The following SLC4A10 variants were observed in gnomAD, a reference collection of about 807,000 sequenced individuals.
SLC4A10 encodes solute carrier family 4 member 10.
SLC4A10 carries 42 observed loss-of-function variants against 137.7 expected under a neutral mutation model. That is an observed-to-expected ratio of 0.30 (90% confidence interval 0.24 to 0.39). SLC4A10 has a LOEUF of 0.39. Ranked by LOEUF, SLC4A10 falls within the 10% of genes least tolerant of loss-of-function variation. The probability of loss-of-function intolerance (pLI) is 1.00; values close to 1 mark genes in which losing one functional copy is unlikely to be tolerated. For missense variants in SLC4A10, 925 were observed against 1,355.0 expected, an observed-to-expected ratio of 0.68 and a Z score of 4.98; for synonymous variants, 474 against 464.1, an observed-to-expected ratio of 1.02 and a Z score of -0.27.
At position 161,928,876 on chromosome 2, in the gene SLC4A10, ATATG is replaced by A. The variant is rs996116189; in HGVS notation, c.1998-13908_1998-13905del. ...GATATACAGTAGCTACAGAAAACAT[ATATG>A]TATGTATATACACATATACATTTGT... On this transcript the variant is annotated intron_variant, in intron 15 of 26. Coordinates refer to ENST00000446997, the MANE Select transcript of SLC4A10 (RefSeq NM_001178015.2). Among the ~76,000 whole-genome samples the A allele has an allele frequency of 2.0e-4, 30 of 152,296 alleles. 1 individual carries two copies. Among genetic ancestry groups the A allele is most frequent in the African/African-American group, 7.2e-4 (30 of 41,570 alleles).
intron 15 of SLC4A10, among the ~76,000 whole-genome samples, chr2:161,941,825 C>A (rs529714625): frequency 6.6e-6 from 1 of 152,196 alleles, no homozygotes; most frequent in African/African-American, 2.4e-5. Context: ...ACCTACTGTT[C>A]CATCATAGAC....
At chr2:161,659,191 G>A (rs1574162169) in intron 1 of SLC4A10, among the ~76,000 whole-genome samples, 1 of 152,164 alleles carries the variant, frequency 6.6e-6, no homozygotes, top group East Asian at 1.9e-4. Flanking sequence ...AATAAAAGAT[G>A]GTATATATAC....
intron 4 of SLC4A10, among the ~76,000 whole-genome samples, chr2:161,842,112 A>AT (rs775176175): frequency 1.1e-4 from 16 of 151,996 alleles, no homozygotes; most frequent in Non-Finnish European, 1.3e-4. Flanking sequence ...TAGGTTATTT[A>AT]TTTTTTTCCA....
At chr2:161,976,941 C>A in intron 25 of SLC4A10, 65 bp downstream of exon 25, 3 of 825,904 alleles carry the variant, frequency 3.6e-6, no homozygotes, top group South Asian at 2.2e-5. Context: ...AAACCATAAG[C>A]AAAAGAATAA....
At chr2:161,813,594 C>T (rs2056764438) in intron 3 of SLC4A10, among the ~76,000 whole-genome samples, 1 of 152,084 alleles carries the variant, frequency 6.6e-6, no homozygotes, top group Admixed American at 6.6e-5. Context: ...ATTCAAGTTC[C>T]ATCTGCTTAT....
rs1575453478 is a variant in SLC4A10, at chr2:161,885,817, A to G, written c.1194+3373A>G. 2.0e-5 allele frequency among the ~76,000 whole-genome samples: 3 copies of G among 152,182 alleles called. No homozygotes were observed. In the East Asian group the frequency reaches 5.8e-4, roughly 29 times the overall value. On this transcript the variant is annotated intron_variant, in intron 10 of 26. Coordinates refer to ENST00000446997, the MANE Select transcript of SLC4A10 (RefSeq NM_001178015.2). ...GTTAATGAATTCATTTAAAAATAATAATAGAACGGGTTCAGTGGCTCACAC... is the reference window on the plus strand; with the variant it reads ...GTTAATGAATTCATTTAAAAATAATGATAGAACGGGTTCAGTGGCTCACAC...
chr2:161,647,117 T>G (rs2036163737), intron 1 of SLC4A10, among the ~76,000 whole-genome samples: 1 of 152,026 alleles, frequency 6.6e-6, no homozygotes, highest in African/African-American at 2.4e-5. Flanking sequence ...GTTAACGAAA[T>G]CTGTTATGGT....
chr2:161,884,549 C>G (rs1329536036), intron 10 of SLC4A10, among the ~76,000 whole-genome samples: 1 of 152,058 alleles, frequency 6.6e-6, no homozygotes, highest in Non-Finnish European at 1.5e-5. Context: ...TGAGAGCTAC[C>G]TAATTTGAGA....
intron 21 of SLC4A10, among the ~76,000 whole-genome samples, chr2:161,962,470 C>A (rs1470839971): frequency 6.6e-6 from 1 of 152,098 alleles, no homozygotes; most frequent in Admixed American, 6.6e-5. Flanking sequence ...TATTTCTTTC[C>A]TATTCCTACC....
At chr2:161,932,872 T>TA in intron 15 of SLC4A10, among the ~76,000 whole-genome samples, 4 of 152,188 alleles carry the variant, frequency 2.6e-5, no homozygotes, top group South Asian at 4.2e-4. Flanking sequence ...GGTCTGATCT[T>TA]TTCTCCCCAT....
At chr2:161,890,971 C>G (rs1006588392) in intron 10 of SLC4A10, among the ~76,000 whole-genome samples, 3 of 152,106 alleles carry the variant, frequency 2.0e-5, no homozygotes, top group Admixed American at 6.6e-5. Flanking sequence ...CCTTCAGGAG[C>G]TCTTGTAAGG....
Position 161,673,675 on chromosome 2 carries a change from T to A in SLC4A10, c.48+49109T>A, listed in dbSNP as rs190679795. ...TAAAGTATTTAAGTATTAATACATTTAAAAAAATGAGGATTAGAAGTTCAT... is the reference window on the plus strand; with the variant it reads ...TAAAGTATTTAAGTATTAATACATTAAAAAAAATGAGGATTAGAAGTTCAT... On this transcript the variant is annotated intron_variant, in intron 1 of 26. Transcript: ENST00000446997. Among the ~76,000 whole-genome samples, 41 of 152,188 alleles carry A rather than the reference T, an allele frequency of 2.7e-4. No homozygotes were observed. In the East Asian group the frequency reaches 6.0e-3, roughly 22 times the overall value.
chr2:161,852,865 C>A (rs895977147), intron 4 of SLC4A10, among the ~76,000 whole-genome samples: 1 of 152,078 alleles, frequency 6.6e-6, no homozygotes, highest in Non-Finnish European at 1.5e-5. Flanking sequence ...CATCATTTTA[C>A]CTGTGAGAAA....
chr2:161,809,253 A>C (rs1400648756), intron 3 of SLC4A10, among the ~76,000 whole-genome samples: 1 of 151,858 alleles, frequency 6.6e-6, no homozygotes, highest in Non-Finnish European at 1.5e-5. Flanking sequence ...TGATTTGTTT[A>C]AATTTTGCTT....
intron 1 of SLC4A10, among the ~76,000 whole-genome samples, chr2:161,674,186 T>C (rs1259265531): frequency 1.3e-5 from 2 of 152,188 alleles, no homozygotes; most frequent in East Asian, 1.9e-4. Context: ...TGATATGGAA[T>C]GTGGCTTCAT....
In SLC4A10 at chr2:161,904,780, CAA is replaced by C; in HGVS notation, c.1623_1624del (p.Ile542Ter). Reference sequence around the variant, plus strand: ...ACCATTTATATCTCTACACAGAGTGCAATTGAATCTCTCTTTGGAGCATCCAT... The same window carrying C: ...ACCATTTATATCTCTACACAGAGTGCTTGAATCTCTCTTTGGAGCATCCAT... On this transcript the variant is annotated frameshift_variant, in exon 14 of 27. Transcript: ENST00000446997. LOFTEE classifies it high-confidence loss of function. 6.2e-7 allele frequency: 1 copy of C among 1,613,930 alleles called. No individual in the cohort carries two copies. Among genetic ancestry groups the C allele is most frequent in the Non-Finnish European group, 8.5e-7 (1 of 1,179,840 alleles).
chr2:161,633,294 G>A (rs1382490867), intron 1 of SLC4A10, among the ~76,000 whole-genome samples: 1 of 151,694 alleles, frequency 6.6e-6, no homozygotes, highest in Admixed American at 6.6e-5. Context: ...CTCAATCGGT[G>A]GCTGGATTCT....
chr2:161,900,970 C>T lies in SLC4A10; in HGVS notation c.1401C>T (p.Pro467=), dbSNP rs766178591. 15 of 1,568,980 alleles carry T rather than the reference C, an allele frequency of 9.6e-6. No individual in the cohort carries two copies. The highest frequency in any genetic ancestry group is 1.3e-5 in the Non-Finnish European group (15 of 1,156,362). ...CAGCAGCTCATGGGGAAGCAGAGCC[C>T]CACGGAGGACATAGTGGACCTGAAC... is the stretch of plus-strand genomic sequence containing the variant. ...NGTAAHGEAE[P]HGGHSGPELQ... Residue 467 remains proline, a synonymous_variant, in exon 12 of 27, where the codon CCC becomes CCT. Coordinates refer to ENST00000446997, the MANE Select transcript of SLC4A10 (RefSeq NM_001178015.2).
chr2:161,865,201 G>A (rs2060667580), intron 6 of SLC4A10, among the ~76,000 whole-genome samples: 1 of 151,726 alleles, frequency 6.6e-6, no homozygotes, highest in African/African-American at 2.4e-5. Flanking sequence ...GAATTTATTG[G>A]AGCAATGATT....
Sources: gnomAD v4.1 joint callset for allele counts (sites outside exome capture counted in the v4.1 genomes callset) on GRCh38, gnomAD v4.1.1 for gene constraint, MANE v1.5 for transcripts, NCBI Gene and HGNC (gene_info 2026-07-23, HGNC 2026-07-21) for gene names.